SV2C: variants seen among roughly 807,000 people sequenced by gnomAD.
The protein encoded by SV2C is solute carrier family 22 member B3.
In SV2C, 49 loss-of-function variants were observed where a neutral mutation model predicts 79.7. That is an observed-to-expected ratio of 0.61 (90% confidence interval 0.49 to 0.78). SV2C has a LOEUF of 0.78. Ranked by LOEUF, SV2C falls within the 30% of genes least tolerant of loss-of-function variation. The probability of loss-of-function intolerance (pLI) is 0.00; values close to 1 mark genes in which losing one functional copy is unlikely to be tolerated. For synonymous variants in SV2C, 334 were observed against 333.2 expected (o/e 1.00, Z -0.03); for missense variants, 833 against 912.9 (o/e 0.91, Z 1.13).
intron 8 of SV2C, among the ~76,000 whole-genome samples, chr5:76,294,304 CTTTTTTTTT>C (rs70979391): frequency 3.1e-5 from 4 of 129,522 alleles, no homozygotes; most frequent in Admixed American, 8.2e-5. Context: ...TTCTCTCTCT[CTTTTTTTTT>C]TTTTTTTTTG....
chr5:76,166,698 C>T (rs955445423), intron 2 of SV2C, among the ~76,000 whole-genome samples: 1 of 152,188 alleles, frequency 6.6e-6, no homozygotes, highest in African/African-American at 2.4e-5. Context: ...TTTCTGAATG[C>T]AGCTATGTTT....
chr5:75,901,001 A>C, the SV2C span, among the ~76,000 whole-genome samples: 6 of 152,066 alleles, frequency 3.9e-5, no homozygotes, highest in African/African-American at 1.4e-4. Context: ...CTTTTTTCAA[A>C]GTTTTTAACT....
At chr5:75,862,742 T>C in the SV2C span, among the ~76,000 whole-genome samples, 1 of 152,368 alleles carries the variant, frequency 6.6e-6, no homozygotes, top group South Asian at 2.1e-4. Flanking sequence ...AGGACTAATC[T>C]TCCCAAGACA....
intron 4 of SV2C, among the ~76,000 whole-genome samples, chr5:76,224,636 A>G (rs770093314): frequency 6.6e-6 from 1 of 152,174 alleles, no homozygotes; most frequent in Non-Finnish European, 1.5e-5. Flanking sequence ...AGATACTTAC[A>G]ATTTTGTGGA....
intron 2 of SV2C, chr5:76,173,999 T>G: frequency 1.9e-6 from 3 of 1,566,486 alleles, no homozygotes; most frequent in Non-Finnish European, 2.6e-6. Flanking sequence ...TGTAAATTGC[T>G]CCGTTCCTGC....
chr5:76,186,650 C>T (rs1743927001), intron 2 of SV2C, among the ~76,000 whole-genome samples: 1 of 151,998 alleles, frequency 6.6e-6, no homozygotes, highest in Non-Finnish European at 1.5e-5. Flanking sequence ...CAAGGTTACA[C>T]CACTGCACTC....
intron 2 of SV2C, among the ~76,000 whole-genome samples, chr5:76,175,311 A>T (rs1001044046): frequency 6.6e-6 from 1 of 152,216 alleles, no homozygotes; most frequent in Admixed American, 6.5e-5. Flanking sequence ...ATTGCTCTTT[A>T]CTGTAAAACA....
the SV2C span, chr5:76,075,808 A>G: frequency 8.3e-6 from 2 of 239,704 alleles, no homozygotes; most frequent in African/African-American, 2.3e-5. Context: ...TCTGGTAGAA[A>G]AGGGGTGAAT....
intron 4 of SV2C, among the ~76,000 whole-genome samples, chr5:76,274,752 A>G (rs1041098185): frequency 1.3e-5 from 2 of 151,660 alleles, no homozygotes; most frequent in Non-Finnish European, 2.9e-5. Flanking sequence ...AGCAACAGGA[A>G]CCATCCAGCT....
the SV2C span, among the ~76,000 whole-genome samples, chr5:75,970,477 A>G: frequency 6.6e-6 from 1 of 152,102 alleles, no homozygotes; most frequent in East Asian, 1.9e-4. Flanking sequence ...CGCAATAAAA[A>G]ATGACAAAGG....
At chr5:76,088,111 T>C (rs899909622) in intron 1 of SV2C, among the ~76,000 whole-genome samples, 15 of 152,162 alleles carry the variant, frequency 9.9e-5, no homozygotes, top group African/African-American at 3.6e-4. Flanking sequence ...ATCATCAGTC[T>C]CCTTCTGCAA....
intron 4 of SV2C, chr5:76,241,908 T>A: frequency 3.0e-6 from 2 of 672,702 alleles, no homozygotes; most frequent in Non-Finnish European, 5.2e-6. Context: ...AACATAGCTT[T>A]AAAAAAAATA....
At chr5:76,179,922 C>A (rs993359381) in intron 2 of SV2C, among the ~76,000 whole-genome samples, 1 of 147,080 alleles carries the variant, frequency 6.8e-6, no homozygotes, top group East Asian at 2.1e-4. Context: ...TGATATCTGC[C>A]ATCTGAACTT....
chr5:76,310,219 T>C (rs552607153), intron 12 of SV2C, among the ~76,000 whole-genome samples: 2 of 152,294 alleles, frequency 1.3e-5, no homozygotes, highest in African/African-American at 4.8e-5. Context: ...AGATGTAGTA[T>C]ATTGGATGGT....
intron 2 of SV2C, among the ~76,000 whole-genome samples, chr5:76,169,461 G>T (rs1357517287): frequency 1.3e-5 from 2 of 152,136 alleles, no homozygotes; most frequent in Admixed American, 6.5e-5. Flanking sequence ...GCATAAGTAG[G>T]TATATTTTAT....
intron 9 of SV2C, among the ~76,000 whole-genome samples, chr5:76,298,514 A>G (rs1747853941): frequency 6.6e-6 from 1 of 152,196 alleles, no homozygotes; most frequent in Admixed American, 6.5e-5. Context: ...TGCATACCCC[A>G]CAAAACTTTT....
At chr5:75,927,688 C>A in the SV2C span, among the ~76,000 whole-genome samples, 1 of 152,138 alleles carries the variant, frequency 6.6e-6, no homozygotes, top group Non-Finnish European at 1.5e-5. Context: ...CCCCAAACCC[C>A]ACAAAAGAAC....
intron 1 of SV2C, among the ~76,000 whole-genome samples, chr5:76,100,553 A>C (rs570659801): frequency 2.5e-4 from 38 of 152,332 alleles, no homozygotes; most frequent in African/African-American, 8.7e-4. Flanking sequence ...ATGAAATAGA[A>C]ATTTCAATCA....
At chr5:76,068,683 A>T in the SV2C span, among the ~76,000 whole-genome samples, 88,428 of 152,118 alleles carry the variant, frequency 0.58, 27,733 homozygotes, top group African/African-American at 0.82. Flanking sequence ...TTTATTTATA[A>T]CTTAAAACAT....
Sources: gnomAD v4.1 joint callset for allele counts (sites outside exome capture counted in the v4.1 genomes callset) on GRCh38, gnomAD v4.1.1 for gene constraint, MANE v1.5 for transcripts, NCBI Gene and HGNC (gene_info 2026-07-23, HGNC 2026-07-21) for gene names.